SLC25A42: variants seen among roughly 807,000 people sequenced by gnomAD.
The protein encoded by SLC25A42 is solute carrier family 25 member 42, also known as mitochondrial coenzyme A transporter SLC25A42.
A neutral mutation model predicts 34.7 loss-of-function variants in SLC25A42; 19 were observed. That is an observed-to-expected ratio of 0.55 (90% CI 0.38 to 0.80). The LOEUF is 0.80. Ranked by LOEUF, SLC25A42 falls within the 30% of genes least tolerant of loss-of-function variation. The probability of loss-of-function intolerance (pLI) is 0.00; values close to 1 mark genes in which losing one functional copy is unlikely to be tolerated. For missense variants in SLC25A42, 364 were observed against 441.3 expected (o/e 0.82, Z 1.57); for synonymous variants, 205 against 191.2 (o/e 1.07, Z -0.59).
chr19:19,105,626 C>T lies in SLC25A42; in HGVS notation c.279C>T (p.Asn93=). ...NEGFLSLWRG[N]SATMVRVVPY... Reference sequence around the variant, plus strand: ...GATTTCTCAGCTTGTGGCGCGGGAACTCGGCCACCATGGTGCGCGTGGTGC... The same window carrying T: ...GATTTCTCAGCTTGTGGCGCGGGAATTCGGCCACCATGGTGCGCGTGGTGC... Residue 93 remains asparagine (N), a synonymous_variant, in exon 5 of 8, where the codon AAC becomes AAT. Transcript: ENST00000318596. 6.2e-7 allele frequency: 1 copy of T among 1,613,990 alleles called. No individual in the cohort carries two copies. The highest frequency in any genetic ancestry group is 8.5e-7 in the Non-Finnish European group (1 of 1,179,978).
At chr19:19,079,943 C>T (rs2145903999) in intron 1 of SLC25A42, among the ~76,000 whole-genome samples, 1 of 152,304 alleles carries the variant, frequency 6.6e-6, no homozygotes, top group Admixed American at 6.5e-5. Flanking sequence ...AATAGTATCT[C>T]CCTGTGTAAC....
chr19:19,087,405 G>A (rs556637430), intron 1 of SLC25A42, among the ~76,000 whole-genome samples: 17 of 152,054 alleles, frequency 1.1e-4, no homozygotes, highest in Admixed American at 3.3e-4. Context: ...CTCCTGCCTC[G>A]GCCTCCCGAG....
chr19:19,098,279 T>A (rs2059776239), intron 2 of SLC25A42, among the ~76,000 whole-genome samples: 1 of 152,012 alleles, frequency 6.6e-6, no homozygotes, highest in South Asian at 2.1e-4. Context: ...GAGGTGCAGT[T>A]TATGGACGTG....
At chr19:19,084,016 A>G (rs1307878728) in intron 1 of SLC25A42, among the ~76,000 whole-genome samples, 6 of 108,178 alleles carry the variant, frequency 5.5e-5, no homozygotes, top group South Asian at 6.6e-4. Context: ...CCACCCCAGC[A>G]TGCCCCTGCA....
intron 1 of SLC25A42, among the ~76,000 whole-genome samples, chr19:19,074,311 T>C (rs1232284129): frequency 6.6e-6 from 1 of 152,206 alleles, no homozygotes; most frequent in African/African-American, 2.4e-5. Flanking sequence ...CCTGCGGGGT[T>C]GGGGTTAACG....
rs573593621 is a variant in SLC25A42, at chr19:19,109,494, G to C, written c.650-1075G>C. ...CGCCCAGGCTGGAGTGCAGTGGAAC[G>C]ATCTCAGCTCACTGCAACCTCCACT... is the stretch of plus-strand genomic sequence containing the variant. On this transcript the variant is annotated intron_variant, in intron 7 of 7. Transcript: ENST00000318596. This position sits in a 1 kb window ranked among gnomAD's most constrained non-coding sequence, Gnocchi z 4.1. Among the ~76,000 whole-genome samples, 2 of 152,090 alleles carry C rather than the reference G, an allele frequency of 1.3e-5. No homozygotes were observed. The highest frequency in any genetic ancestry group is 4.8e-5 in the African/African-American group (2 of 41,408).
rs117380638 is a variant in SLC25A42, at chr19:19,109,454, G to A, written c.650-1115G>A. Among the ~76,000 whole-genome samples, 15,340 of 152,038 alleles carry A rather than the reference G, an allele frequency of 0.1. 1,091 individuals carry two copies. The highest frequency in any genetic ancestry group is 0.17 in the Middle Eastern group (51 of 294). ...TCCTGTCTGGCTGTTTTTTTGAGAC[G>A]GAGTCTCACTCTGCCGCCCAGGCTG... On this transcript the variant is annotated intron_variant, in intron 7 of 7. Transcript: ENST00000318596. This position sits in a 1 kb window ranked among gnomAD's most constrained non-coding sequence, Gnocchi z 4.1.
intron 2 of SLC25A42, among the ~76,000 whole-genome samples, chr19:19,098,152 A>C (rs1480121231): frequency 6.6e-6 from 1 of 152,148 alleles, no homozygotes; most frequent in African/African-American, 2.4e-5. Flanking sequence ...TTGGATAATA[A>C]GGTGTTTGTG....
chr19:19,106,446 A>G, intron 6 of SLC25A42, 61 bp downstream of exon 6: 1 of 1,402,164 alleles, frequency 7.1e-7, no homozygotes, highest in Non-Finnish European at 9.8e-7. Flanking sequence ...GGGGGCTCCC[A>G]GGTCGGAATC....
intron 1 of SLC25A42, among the ~76,000 whole-genome samples, chr19:19,070,989 G>GTTTTTTTTTTTTTT (rs2059627273): frequency 1.1e-5 from 1 of 93,104 alleles, no homozygotes; most frequent in African/African-American, 5.2e-5. Context: ...AATGCATACC[G>GTTTTTTTTTTTTTT]TCTTTTTTTT....
At chr19:19,098,670 A>C (rs549939666) in intron 2 of SLC25A42, among the ~76,000 whole-genome samples, 2 of 152,108 alleles carry the variant, frequency 1.3e-5, no homozygotes, top group African/African-American at 4.8e-5. Context: ...TGTAATCCCA[A>C]CACTTTGGGA....
chr19:19,075,700 C>T (rs1321520427), intron 1 of SLC25A42, among the ~76,000 whole-genome samples: 1 of 152,218 alleles, frequency 6.6e-6, no homozygotes, highest in Non-Finnish European at 1.5e-5. Context: ...GCTGACTGAA[C>T]TGGAAAGGGT....
chr19:19,103,063 TTC>T (rs889794272), intron 3 of SLC25A42, among the ~76,000 whole-genome samples: 3 of 152,010 alleles, frequency 2.0e-5, no homozygotes, highest in Admixed American at 6.6e-5. Flanking sequence ...TGTGTCTGTT[TTC>T]TCTCTCTCTC....
At chr19:19,110,095 C>T (rs766107234) in intron 7 of SLC25A42, among the ~76,000 whole-genome samples, 9 of 151,912 alleles carry the variant, frequency 5.9e-5, no homozygotes, top group Non-Finnish European at 1.0e-4. Flanking sequence ...GTCTGTAATC[C>T]CAGCACTTTG....
rs376550651 is a variant in SLC25A42 at position 19,108,052 on chromosome 19, A to G, written c.649+7A>G. On this transcript the variant is annotated splice_region_variant and intron_variant, in intron 7 of 7. Transcript: ENST00000318596. ...CTCAAGAGCTTGCACAGAGGTAAGGAGAGCTGGGAGCATGAGGAGGGGACG... is the reference window on the plus strand; with the variant it reads ...CTCAAGAGCTTGCACAGAGGTAAGGGGAGCTGGGAGCATGAGGAGGGGACG... 2.5e-5 allele frequency: 39 copies of G among 1,549,704 alleles called. No individual in the cohort carries two copies. The highest frequency in any genetic ancestry group is 3.2e-5 in the Non-Finnish European group (37 of 1,145,182).
intron 6 of SLC25A42, 26 bp from the exon 7 acceptor site, chr19:19,107,867 AC>A (rs764430322): frequency 6.2e-7 from 1 of 1,613,214 alleles, no homozygotes; most frequent in Admixed American, 1.7e-5. Context: ...CCTGAGTCCC[AC>A]CTGCTGGGCT....
intron 6 of SLC25A42, among the ~76,000 whole-genome samples, chr19:19,107,443 G>A (rs1338789549): frequency 6.6e-6 from 1 of 152,104 alleles, no homozygotes; most frequent in Non-Finnish European, 1.5e-5. Context: ...GACCAGCCTG[G>A]TCAACATGGC....
intron 1 of SLC25A42, among the ~76,000 whole-genome samples, chr19:19,072,427 G>C (rs1464332826): frequency 6.8e-6 from 1 of 147,912 alleles, no homozygotes; most frequent in Admixed American, 6.7e-5. Flanking sequence ...ACCCAGGCTG[G>C]AGTGCAGTGG....
Position 19,064,680 on chromosome 19 carries a change from C to T in SLC25A42, c.-35+565C>T, listed in dbSNP as rs1439769135. Among the ~76,000 whole-genome samples the T allele has an allele frequency of 2.0e-5, 3 of 151,280 alleles. No individual in the cohort carries two copies. The East Asian group carries it at 5.8e-4, about 29-fold the overall frequency. On this transcript the variant is annotated intron_variant, in intron 1 of 7. Coordinates refer to ENST00000318596, the MANE Select transcript of SLC25A42 (RefSeq NM_178526.5). ...TTCTCAGGGACCTTCCCCCTGGCAC[C>T]TGCCCTCTGCCCTGGCAGCCCCACA...
Sources: gnomAD v4.1 joint callset for allele counts (sites outside exome capture counted in the v4.1 genomes callset) on GRCh38, gnomAD v4.1.1 for gene constraint, Gnocchi (gnomAD v3.1) non-coding constraint, MANE v1.5 for transcripts, NCBI Gene and HGNC (gene_info 2026-07-23, HGNC 2026-07-21) for gene names.